Variants in GRID2 observed in about 807,000 individuals in gnomAD.
GRID2 encodes glutamate ionotropic receptor delta type subunit 2.
In GRID2, 33 loss-of-function variants were observed where a neutral mutation model predicts 114.8. That is an observed-to-expected ratio of 0.29 (90% confidence interval 0.22 to 0.38). GRID2 has a LOEUF of 0.38. Among genes scored for constraint, GRID2 ranks in the 10% least tolerant of loss-of-function variants. GRID2 has a pLI of 1.00. For synonymous variants in GRID2, 505 were observed against 449.9 expected (o/e 1.12, Z -1.55); for missense variants, 1,184 against 1,257.7 (o/e 0.94, Z 0.89).
At chr4:92,893,090 C>T (rs1212990690) in intron 2 of GRID2, among the ~76,000 whole-genome samples, 1 of 152,062 alleles carries the variant, frequency 6.6e-6, no homozygotes, top group African/African-American at 2.4e-5. Context: ...TTTTCTTGGA[C>T]TTGTATTTAC....
chr4:93,722,049 G>A (rs933589859), intron 14 of GRID2, among the ~76,000 whole-genome samples: 1 of 150,708 alleles, frequency 6.6e-6, no homozygotes, highest in South Asian at 2.1e-4. Context: ...CTCCCAAGCA[G>A]CTGGGATTAC....
chr4:92,923,098 G>A (rs1480172186), intron 2 of GRID2, among the ~76,000 whole-genome samples: 1 of 152,032 alleles, frequency 6.6e-6, no homozygotes, highest in African/African-American at 2.4e-5. Context: ...TTTCTACCAT[G>A]CATCATTTAA....
chr4:92,646,001 T>C (rs1044236601), intron 2 of GRID2, among the ~76,000 whole-genome samples: 8 of 151,872 alleles, frequency 5.3e-5, no homozygotes, highest in East Asian at 1.9e-4. Flanking sequence ...TGGTGGGTCA[T>C]AGGATGACAA....
intron 2 of GRID2, among the ~76,000 whole-genome samples, chr4:92,915,911 T>C (rs948316802): frequency 2.6e-5 from 4 of 152,062 alleles, no homozygotes; most frequent in Non-Finnish European, 5.9e-5. Context: ...TTTAATGGGG[T>C]TATTTGTTTT....
chr4:92,420,114 G>A (rs1731826930), intron 1 of GRID2, among the ~76,000 whole-genome samples: 1 of 152,034 alleles, frequency 6.6e-6, no homozygotes, highest in Non-Finnish European at 1.5e-5. Context: ...TTCACAAAAT[G>A]TATCACTGGA....
chr4:93,588,998 A>C (rs1427244318), intron 13 of GRID2, among the ~76,000 whole-genome samples: 1 of 151,870 alleles, frequency 6.6e-6, no homozygotes, highest in East Asian at 1.9e-4. Context: ...TCAGCGTAGA[A>C]TTCAACAACG....
chr4:92,984,782 T>C (rs528608225), intron 2 of GRID2, among the ~76,000 whole-genome samples: 5 of 152,046 alleles, frequency 3.3e-5, no homozygotes, highest in African/African-American at 9.7e-5. Flanking sequence ...TTTTTTTTTT[T>C]CCCAGTCTTG....
intron 14 of GRID2, among the ~76,000 whole-genome samples, chr4:93,654,079 T>G (rs1722804659): frequency 6.6e-6 from 1 of 152,212 alleles, no homozygotes; most frequent in Admixed American, 6.5e-5. Flanking sequence ...AGTGGACTTA[T>G]TGTAGCCCAG....
chr4:92,836,179 C>T lies in GRID2; in HGVS notation c.244+245893C>T, dbSNP rs142961849. On this transcript the variant is annotated intron_variant, in intron 2 of 15. Coordinates refer to ENST00000282020, the MANE Select transcript of GRID2 (RefSeq NM_001510.4). ...GAGTTGAGTAGTGACAGAGATCATA[C>T]GGTTGGCCAAGCCTAAACTATTTAC... 7.8e-3 allele frequency among the ~76,000 whole-genome samples: 1,182 copies of T among 152,132 alleles called. 16 individuals are homozygous for T. Among genetic ancestry groups the T allele is most frequent in the African/African-American group, 0.02 (839 of 41,520 alleles).
chr4:93,412,225 C>A (rs1460959886), intron 9 of GRID2, among the ~76,000 whole-genome samples: 2 of 145,670 alleles, frequency 1.4e-5, no homozygotes, highest in Non-Finnish European at 3.0e-5. Flanking sequence ...CATAGTAAGA[C>A]CCATCCCCCC....
intron 8 of GRID2, among the ~76,000 whole-genome samples, chr4:93,267,489 T>G (rs183693931): frequency 5.3e-5 from 8 of 152,190 alleles, no homozygotes; most frequent in Non-Finnish European, 7.3e-5. Flanking sequence ...GCAAGTGATA[T>G]TGGGACCTGA....
intron 10 of GRID2, among the ~76,000 whole-genome samples, chr4:93,449,107 GC>G (rs1722440692): frequency 6.7e-6 from 1 of 149,972 alleles, no homozygotes; most frequent in African/African-American, 2.5e-5. Flanking sequence ...TTATTTAAAA[GC>G]CAAATAAAAT....
chr4:93,765,608 TTATA>T (rs66550272), intron 14 of GRID2, among the ~76,000 whole-genome samples: 219 of 29,496 alleles, frequency 7.4e-3, no homozygotes, highest in African/African-American at 0.024. Context: ...AGGTGAGGTA[TTATA>T]TATATATATA....
chr4:92,479,792 G>C (rs1320139847), intron 1 of GRID2, among the ~76,000 whole-genome samples: 1 of 152,062 alleles, frequency 6.6e-6, no homozygotes, highest in Non-Finnish European at 1.5e-5. Flanking sequence ...ACTTCTGTGG[G>C]CTTCAGTTAG....
At chr4:93,221,087 A>T (rs920406828) in intron 6 of GRID2, among the ~76,000 whole-genome samples, 4 of 152,188 alleles carry the variant, frequency 2.6e-5, no homozygotes, top group African/African-American at 9.6e-5. Flanking sequence ...GTATCACACA[A>T]ATCATATTTG....
At chr4:93,440,105 G>A (rs1363990429) in intron 10 of GRID2, among the ~76,000 whole-genome samples, 2 of 152,032 alleles carry the variant, frequency 1.3e-5, no homozygotes, top group Non-Finnish European at 2.9e-5. Context: ...GAGGAGCAAC[G>A]CTTGTGAATG....
chr4:92,516,062 C>T (rs1478196788), intron 1 of GRID2, among the ~76,000 whole-genome samples: 1 of 151,906 alleles, frequency 6.6e-6, no homozygotes, highest in Non-Finnish European at 1.5e-5. Context: ...AAAGAAAAGT[C>T]ACACAAGGCT....
At chr4:93,503,492 C>G (rs938691099) in intron 12 of GRID2, among the ~76,000 whole-genome samples, 1 of 129,932 alleles carries the variant, frequency 7.7e-6, no homozygotes, top group African/African-American at 2.9e-5. Context: ...CACCCCACAA[C>G]AGTCCTCGGT....
intron 13 of GRID2, among the ~76,000 whole-genome samples, chr4:93,567,045 C>G (rs567151072): frequency 3.3e-5 from 5 of 152,024 alleles, no homozygotes; most frequent in Non-Finnish European, 7.4e-5. Context: ...CTCTTTTGCC[C>G]CCTTCTCCAC....
Sources: gnomAD v4.1 joint callset for allele counts (sites outside exome capture counted in the v4.1 genomes callset) on GRCh38, gnomAD v4.1.1 for gene constraint, MANE v1.5 for transcripts, NCBI Gene and HGNC (gene_info 2026-07-23, HGNC 2026-07-21) for gene names.